TLE3: variants seen among roughly 807,000 people sequenced by gnomAD.
TLE3 encodes the protein TLE family member 3, transcriptional corepressor, also known as transducin-like enhancer protein 3.
A neutral mutation model predicts 93.0 loss-of-function variants in TLE3; 14 were observed. The observed-to-expected ratio is 0.15, with a 90% CI of 0.10 to 0.24. TLE3 has a LOEUF of 0.24. TLE3 is among the 10% of genes least tolerant of loss of function. TLE3 has a pLI of 1.00. For synonymous variants in TLE3, 451 were observed against 425.0 expected (o/e 1.06, Z -0.75); for missense variants, 693 against 1,046.6 (o/e 0.66, Z 4.66).
At chr15:70,063,341 G>C (rs911060489) in intron 8 of TLE3, among the ~76,000 whole-genome samples, 3 of 152,224 alleles carry the variant, frequency 2.0e-5, no homozygotes, top group African/African-American at 7.2e-5. Context: ...AGTGAACATG[G>C]ATTTTCAGCT....
intron 8 of TLE3, among the ~76,000 whole-genome samples, chr15:70,062,006 A>G (rs1287091566): frequency 6.6e-6 from 1 of 152,164 alleles, no homozygotes; most frequent in East Asian, 1.9e-4. Context: ...GGCAAGGGCC[A>G]CTTGGAGGGA....
chr15:70,091,903 G>A (rs1162240039), intron 4 of TLE3, among the ~76,000 whole-genome samples: 1 of 152,086 alleles, frequency 6.6e-6, no homozygotes, highest in African/African-American at 2.4e-5. Flanking sequence ...CGCAGGCTGA[G>A]GACTGCCACA....
intron 19 of TLE3, chr15:70,051,186 T>G: frequency 4.5e-5 from 21 of 463,880 alleles, no homozygotes; most frequent in East Asian, 7.9e-5. Flanking sequence ...CAGTAGCAGA[T>G]TGTGTGTCCT....
chr15:70,095,877 A>G, intron 2 of TLE3: 1 of 628,622 alleles, frequency 1.6e-6, no homozygotes, highest in Non-Finnish European at 2.7e-6. Flanking sequence ...GCAGGGGAGT[A>G]GGACCCTGAC....
At position 70,097,550 on chromosome 15, in the gene TLE3, A is replaced by T; in HGVS notation, c.-752T>A. 1 of 399,760 alleles carries T rather than the reference A, an allele frequency of 2.5e-6. No homozygotes were observed. The highest frequency in any genetic ancestry group is 4.4e-6 in the Non-Finnish European group (1 of 226,486). The allele number at this position is 399,760 out of a possible 1,614,324, so 24.8% of individuals were successfully genotyped here. A position where few individuals can be genotyped will look rare whatever the true frequency, so the allele number is the denominator to read the frequency against. On this transcript the variant is annotated 5_prime_UTR_variant, in exon 1 of 20. Coordinates refer to ENST00000451782, the MANE Select transcript of TLE3 (RefSeq NM_001105192.3). Reference sequence around the variant, plus strand: ...TCAAACGCCCTGGCATCCTAAGTCCAGCGGGCACGGGAAGCCTCCGCAAAG... The same window carrying T: ...TCAAACGCCCTGGCATCCTAAGTCCTGCGGGCACGGGAAGCCTCCGCAAAG...
intron 6 of TLE3, among the ~76,000 whole-genome samples, chr15:70,072,514 A>G (rs895702366): frequency 2.0e-5 from 3 of 152,172 alleles, no homozygotes; most frequent in African/African-American, 7.2e-5. Context: ...TAGCAGAACC[A>G]CCACCAAGCT....
chr15:70,093,652 C>G (rs772988024), intron 4 of TLE3, among the ~76,000 whole-genome samples: 1 of 152,350 alleles, frequency 6.6e-6, no homozygotes, highest in East Asian at 1.9e-4. Flanking sequence ...CACAAATACA[C>G]AAACAGGCCT....
chr15:70,072,186 G>A (rs1237186659), intron 6 of TLE3, among the ~76,000 whole-genome samples: 12 of 152,172 alleles, frequency 7.9e-5, no homozygotes, highest in Admixed American at 5.2e-4. Context: ...TGTCTGCCTC[G>A]AGCTGCCTCG....
intron 8 of TLE3, among the ~76,000 whole-genome samples, chr15:70,062,556 CA>C (rs2056562899): frequency 6.6e-6 from 1 of 152,116 alleles, no homozygotes; most frequent in Non-Finnish European, 1.5e-5. Flanking sequence ...GGCAGGCGGC[CA>C]AAAAACTAAG....
At chr15:70,091,079 A>G (rs778134356) in intron 4 of TLE3, among the ~76,000 whole-genome samples, 6 of 152,270 alleles carry the variant, frequency 3.9e-5, no homozygotes, top group South Asian at 2.1e-4. Flanking sequence ...GACTGAGTAC[A>G]TAAGCTTCCC....
rs141876901 is a variant in TLE3, at chr15:70,090,339, G to GA, written c.234+4192dup. 9.6e-3 allele frequency among the ~76,000 whole-genome samples: 1,446 copies of GA among 150,226 alleles called. 25 individuals carry two copies. Among genetic ancestry groups the GA allele is most frequent in the African/African-American group, 0.034 (1,375 of 40,980 alleles). On this transcript the variant is annotated intron_variant, in intron 4 of 19. Transcript: ENST00000451782. ...TGGATGCTAGCACTCTGGCAAAAAA[G>GA]AAAAAAAAAATTTCACAGCTCAACT...
In TLE3 at chr15:70,049,529, A is replaced by G. The variant is rs2055339394; in HGVS notation, c.*568T>C. 6.6e-6 allele frequency: 1 copy of G among 151,504 alleles called. No homozygotes were observed. The highest frequency in any genetic ancestry group is 2.4e-5 in the African/African-American group (1 of 41,296). 9.4% of individuals were successfully genotyped at this position (151,504 alleles called of 1,614,324 possible). A position where few individuals can be genotyped will look rare whatever the true frequency, so the allele number is the denominator to read the frequency against. ...TCTGTTTATTTAAAAAAAAAAAAAA[A>G]AAAAAGCCACCACCACGAGTGGATT... On this transcript the variant is annotated 3_prime_UTR_variant, in exon 20 of 20. Transcript: ENST00000451782.
intron 13 of TLE3, among the ~76,000 whole-genome samples, chr15:70,056,822 T>TGA (rs2056076335): frequency 6.6e-6 from 1 of 152,154 alleles, no homozygotes; most frequent in African/African-American, 2.4e-5. Flanking sequence ...AGCGCGGTGG[T>TGA]GCAATCTTGG....
chr15:70,094,277 G>A (rs908390732), intron 4 of TLE3, among the ~76,000 whole-genome samples: 8 of 148,028 alleles, frequency 5.4e-5, no homozygotes, highest in African/African-American at 2.0e-4. Flanking sequence ...CTTTCCCTTT[G>A]GTCCTTTATC....
rs1245972901 is a variant in TLE3 at position 70,097,471 on chromosome 15, C to T, written c.-673G>A. 44 of 415,050 alleles carry T rather than the reference C, an allele frequency of 1.1e-4. No homozygotes were observed. Among genetic ancestry groups the T allele is most frequent in the South Asian group, 8.4e-5 (1 of 11,858 alleles). 25.7% of individuals were successfully genotyped at this position (415,050 alleles called of 1,614,324 possible). A position where few individuals can be genotyped will look rare whatever the true frequency, so the allele number is the denominator to read the frequency against. ...CTGCCGCTGCCGCCGCCGCCGCCGC[C>T]GCTGCAAGCCCTTCCCAGGGCCGGG... On this transcript the variant is annotated 5_prime_UTR_variant, in exon 1 of 20. Coordinates refer to ENST00000451782, the MANE Select transcript of TLE3 (RefSeq NM_001105192.3).
At chr15:70,069,422 A>G (rs1387863995) in intron 6 of TLE3, among the ~76,000 whole-genome samples, 2 of 152,206 alleles carry the variant, frequency 1.3e-5, no homozygotes, top group African/African-American at 4.8e-5. Flanking sequence ...TTTGGCAGAC[A>G]GTGGCTTTCA....
In TLE3 at chr15:70,094,745, CA is replaced by C. The variant is rs551335596; in HGVS notation, c.190-170del. 3,490 of 598,336 alleles carry C rather than the reference CA, an allele frequency of 5.8e-3. 18 individuals carry two copies. Among genetic ancestry groups the C allele is most frequent in the Non-Finnish European group, 8.2e-3 (2,713 of 332,846 alleles). The allele number at this position is 598,336 out of a possible 1,614,324, so 37.1% of individuals were successfully genotyped here. On this transcript the variant is annotated intron_variant, in intron 3 of 19. Coordinates refer to ENST00000451782, the MANE Select transcript of TLE3 (RefSeq NM_001105192.3). ...GCTTACAGAGCGGTTTAAGAGCTGACAAGGGCGAGCGTTCCTCTCATCTCAA... is the reference window on the plus strand; with the variant it reads ...GCTTACAGAGCGGTTTAAGAGCTGACAGGGCGAGCGTTCCTCTCATCTCAA...
intron 8 of TLE3, among the ~76,000 whole-genome samples, 195 bp downstream of exon 8, chr15:70,064,259 A>T (rs1219460958): frequency 6.6e-6 from 1 of 152,188 alleles, no homozygotes; most frequent in East Asian, 1.9e-4. Context: ...AGACATCAGC[A>T]CTGAAGCTCC....
chr15:70,062,437 C>T (rs1045168844), intron 8 of TLE3, among the ~76,000 whole-genome samples: 6 of 152,174 alleles, frequency 3.9e-5, no homozygotes, highest in Non-Finnish European at 8.8e-5. Context: ...GTGCTCGGCT[C>T]GGGAGAACAG....
Sources: allele counts gnomAD v4.1 joint callset (sites outside exome capture counted in the v4.1 genomes callset), GRCh38; gene constraint gnomAD v4.1.1; transcripts MANE v1.5; gene names NCBI Gene and HGNC (gene_info 2026-07-23, HGNC 2026-07-21).